DDAH1: variants seen among roughly 807,000 people sequenced by gnomAD.
DDAH1 encodes the protein N(G),N(G)-dimethylarginine dimethylaminohydrolase 1.
DDAH1 carries 19 observed loss-of-function variants against 28.8 expected under a neutral mutation model. The observed-to-expected ratio is 0.66, with a 90% CI of 0.46 to 0.97. DDAH1 has a LOEUF of 0.97. Ranked by LOEUF, DDAH1 falls within the 50% of genes least tolerant of loss-of-function variation. The pLI, the probability that DDAH1 is intolerant of heterozygous loss-of-function variation, is 0.00. For missense variants in DDAH1, 326 were observed against 375.9 expected (o/e 0.87, Z 1.10); for synonymous variants, 153 against 154.4 (o/e 0.99, Z 0.07).
intron 2 of DDAH1, among the ~76,000 whole-genome samples, chr1:85,488,942 T>C (rs1656294075): frequency 1.3e-5 from 2 of 152,220 alleles, no homozygotes; most frequent in African/African-American, 4.8e-5. Flanking sequence ...TTTTCTAATA[T>C]GAAGATGGTG....
chr1:85,530,461 A>G (rs1446281674), intron 1 of DDAH1, among the ~76,000 whole-genome samples: 12 of 151,868 alleles, frequency 7.9e-5, no homozygotes, highest in African/African-American at 2.9e-4. Flanking sequence ...GTGCTGCCTC[A>G]TCACTAGAAA....
At chr1:85,364,556 T>C (rs1570436362) in intron 1 of DDAH1, among the ~76,000 whole-genome samples, 2 of 152,240 alleles carry the variant, frequency 1.3e-5, no homozygotes, top group Middle Eastern at 3.4e-3. Flanking sequence ...TACTTTCTTT[T>C]TTTTTTTTGA....
In DDAH1 at chr1:85,321,690, G is replaced by A; in HGVS notation, c.742-122C>T. On this transcript the variant is annotated intron_variant, in intron 5 of 5. Transcript: ENST00000284031. ...ATTCATTTAATCCCAAGACACACAGGCAGTCTCAACCACACACATGCCCAC... is the reference window on the plus strand; with the variant it reads ...ATTCATTTAATCCCAAGACACACAGACAGTCTCAACCACACACATGCCCAC... 6 of 782,150 alleles carry A rather than the reference G, an allele frequency of 7.7e-6. No individual in the cohort carries two copies. The South Asian group carries it at 8.0e-5, about 10-fold the overall frequency. 48.5% of individuals were successfully genotyped at this position (782,150 alleles called of 1,614,324 possible). A position where few individuals can be genotyped will look rare whatever the true frequency, so the allele number is the denominator to read the frequency against.
At chr1:85,514,230 T>C (rs1310378506) in intron 1 of DDAH1, among the ~76,000 whole-genome samples, 1 of 152,180 alleles carries the variant, frequency 6.6e-6, no homozygotes, top group African/African-American at 2.4e-5. Flanking sequence ...TCATGTCCTT[T>C]GCAGGGACAC....
intron 1 of DDAH1, among the ~76,000 whole-genome samples, chr1:85,359,447 C>T (rs939167846): frequency 6.6e-6 from 1 of 152,116 alleles, no homozygotes; most frequent in African/African-American, 2.4e-5. Context: ...AGGCAAAGCA[C>T]CCAATTATCC....
chr1:85,408,771 T>C (rs1473844568), intron 1 of DDAH1, among the ~76,000 whole-genome samples: 1 of 152,166 alleles, frequency 6.6e-6, no homozygotes, highest in Non-Finnish European at 1.5e-5. Flanking sequence ...GACAATTATA[T>C]GTATCCAATA....
chr1:85,393,080 C>T (rs1010841090), intron 1 of DDAH1, among the ~76,000 whole-genome samples: 2 of 152,086 alleles, frequency 1.3e-5, no homozygotes, highest in Non-Finnish European at 1.5e-5. Flanking sequence ...ATTCAGTTGC[C>T]CATTCTTTTA....
intron 1 of DDAH1, among the ~76,000 whole-genome samples, chr1:85,499,831 A>T (rs1290439912): frequency 1.3e-5 from 2 of 152,170 alleles, no homozygotes; most frequent in Non-Finnish European, 2.9e-5. Flanking sequence ...ATTAAGTTTT[A>T]CTCATTCAAT....
chr1:85,464,942 C>G lies in DDAH1; in HGVS notation c.104G>C (p.Gly35Ala). ...CGCGCGGGCGACGTCCACCTCCTCG[C>G]CCTTGGCGCTTCTCAGCGCGTGCTG... ...LGQHALRSAKGEEVDVARAER... is the reference protein window; with the variant it reads ...LGQHALRSAKAEEVDVARAER... Residue 35 changes from glycine to alanine, a missense_variant, in exon 1 of 6, where the codon GGC becomes GCC. By Grantham distance (60) the Gly-to-Ala change is moderately conservative. Transcript: ENST00000284031. This position sits in a 1 kb window ranked among gnomAD's most constrained non-coding sequence, Gnocchi z 4.4. 6.6e-7 allele frequency: 1 copy of G among 1,520,602 alleles called. No individual in the cohort carries two copies. The highest frequency in any genetic ancestry group is 8.7e-7 in the Non-Finnish European group (1 of 1,143,696). The allele number at this position is 1,520,602 out of a possible 1,614,324, so 94.2% of individuals were successfully genotyped here. A position where few individuals can be genotyped will look rare whatever the true frequency, so the allele number is the denominator to read the frequency against.
intron 1 of DDAH1, among the ~76,000 whole-genome samples, chr1:85,458,252 C>T (rs1312084039): frequency 6.6e-6 from 1 of 152,118 alleles, no homozygotes; most frequent in African/African-American, 2.4e-5. Flanking sequence ...TTCCTCTTGT[C>T]ATAGTTGCTT....
chr1:85,501,340 A>G (rs896167697), intron 1 of DDAH1, among the ~76,000 whole-genome samples: 1 of 152,150 alleles, frequency 6.6e-6, no homozygotes, highest in Non-Finnish European at 1.5e-5. Context: ...AACCCCAGGG[A>G]ATCACTGAGA....
At chr1:85,383,712 A>G (rs1178243828) in intron 1 of DDAH1, among the ~76,000 whole-genome samples, 4 of 152,302 alleles carry the variant, frequency 2.6e-5, no homozygotes, top group African/African-American at 7.2e-5. Flanking sequence ...AGTCACCTCA[A>G]CCTTCAACAA....
intron 5 of DDAH1, among the ~76,000 whole-genome samples, chr1:85,322,012 C>T (rs1173188207): frequency 6.6e-6 from 1 of 152,164 alleles, no homozygotes; most frequent in African/African-American, 2.4e-5. Context: ...TTCCCAGGCT[C>T]AAGTGATCCT....
chr1:85,558,573 T>A lies in DDAH1; in HGVS notation c.-123+19411A>T, dbSNP rs533139120. The stretch of plus-strand genomic sequence containing the variant: ...AGTTCTAGTTTGTGATGGGTCTCTA[T>A]GTTTTTTGATTTTATTGCCCTCAGG... On this transcript the variant is annotated intron_variant, in intron 1 of 6. Coordinates refer to the DDAH1 transcript ENST00000426972. Among the ~76,000 whole-genome samples, 10 of 152,332 alleles carry A rather than the reference T, an allele frequency of 6.6e-5. No homozygotes were observed. In the South Asian group the frequency reaches 1.9e-3, roughly 28 times the overall value.
chr1:85,346,389 A>C (rs1271712518), intron 4 of DDAH1, among the ~76,000 whole-genome samples: 1 of 152,206 alleles, frequency 6.6e-6, no homozygotes, highest in Non-Finnish European at 1.5e-5. Flanking sequence ...GGATACCAGT[A>C]AAAAATGGAA....
intron 1 of DDAH1, among the ~76,000 whole-genome samples, chr1:85,550,528 G>C (rs949659247): frequency 6.6e-6 from 1 of 152,208 alleles, no homozygotes; most frequent in African/African-American, 2.4e-5. Context: ...GTGTTGTGAT[G>C]AATTGCCCAT....
intron 1 of DDAH1, among the ~76,000 whole-genome samples, chr1:85,562,165 T>C (rs1437677822): frequency 1.3e-5 from 2 of 152,004 alleles, no homozygotes; most frequent in African/African-American, 2.4e-5. Flanking sequence ...AAATATACAA[T>C]GGCTTTATTA....
chr1:85,422,761 A>G (rs1021445181), intron 1 of DDAH1, among the ~76,000 whole-genome samples: 2 of 152,316 alleles, frequency 1.3e-5, no homozygotes, highest in East Asian at 3.9e-4. Context: ...GAGATAATTA[A>G]GGTTAGATGA....
At chr1:85,429,699 T>C (rs746882996) in intron 1 of DDAH1, among the ~76,000 whole-genome samples, 2 of 152,324 alleles carry the variant, frequency 1.3e-5, no homozygotes, top group East Asian at 1.9e-4. Flanking sequence ...TTTTTAGTGA[T>C]TGCCATTCTA....
Sources: allele counts gnomAD v4.1 joint callset (sites outside exome capture counted in the v4.1 genomes callset), GRCh38; gene constraint gnomAD v4.1.1; non-coding constraint Gnocchi (gnomAD v3.1); transcripts MANE v1.5; gene names NCBI Gene and HGNC (gene_info 2026-07-23, HGNC 2026-07-21).